HIVEP3: variants seen among roughly 807,000 people sequenced by gnomAD.
HIVEP3 encodes HIVEP zinc finger 3.
A neutral mutation model predicts 152.8 loss-of-function variants in HIVEP3; 49 were observed. The ratio of observed to expected loss-of-function variants is 0.32; its 90% CI spans 0.26 to 0.41. The LOEUF (loss-of-function observed/expected upper bound fraction) is 0.41, where lower values mean the gene tolerates loss of function less well. Ranked by LOEUF, HIVEP3 falls within the 10% of genes least tolerant of loss-of-function variation. The pLI is 1.00. For missense variants in HIVEP3, 2,790 were observed against 3,103.3 expected (o/e 0.90, Z 2.40); for synonymous variants, 1,269 against 1,289.0 (o/e 0.98, Z 0.33).
chr1:41,809,945 C>T (rs1650853687), intron 1 of HIVEP3, among the ~76,000 whole-genome samples: 1 of 152,136 alleles, frequency 6.6e-6, no homozygotes, highest in African/African-American at 2.4e-5. Context: ...GAGAAATATC[C>T]AAACGACATG....
chr1:41,742,369 C>T (rs915364228), intron 1 of HIVEP3, among the ~76,000 whole-genome samples: 1 of 152,204 alleles, frequency 6.6e-6, no homozygotes, highest in Non-Finnish European at 1.5e-5. Flanking sequence ...CAACAGCTTC[C>T]GCATACTCTG....
intron 2 of HIVEP3, among the ~76,000 whole-genome samples, chr1:41,658,640 G>A (rs111492277): frequency 0.028 from 4,218 of 152,306 alleles, 80 homozygotes; most frequent in Middle Eastern, 0.054. Context: ...AGGAAGCAGG[G>A]GCTCAAGGGG....
intron 4 of HIVEP3, 74 bp downstream of exon 4, chr1:41,579,663 G>A: frequency 4.0e-6 from 6 of 1,496,518 alleles, no homozygotes; most frequent in Non-Finnish European, 5.4e-6. Context: ...GGAACCTGAG[G>A]ATACTGTGGC....
chr1:41,520,330 A>G (rs1642728400), intron 6 of HIVEP3, among the ~76,000 whole-genome samples: 1 of 152,030 alleles, frequency 6.6e-6, no homozygotes, highest in South Asian at 2.1e-4. Context: ...TATCCTTCCC[A>G]ATTTGGGTTT....
intron 1 of HIVEP3, among the ~76,000 whole-genome samples, chr1:41,749,594 A>T (rs1356236305): frequency 6.6e-6 from 1 of 152,240 alleles, no homozygotes; most frequent in African/African-American, 2.4e-5. Context: ...GTCATTACAT[A>T]GATCAGCCGT....
intron 1 of HIVEP3, among the ~76,000 whole-genome samples, chr1:41,983,546 T>C (rs182529997): frequency 4.1e-4 from 62 of 152,252 alleles, no homozygotes; most frequent in African/African-American, 1.4e-3. Context: ...ATTAACTGTC[T>C]GTCTTAGCAG....
chr1:41,636,588 A>G (rs898406684), intron 2 of HIVEP3, among the ~76,000 whole-genome samples: 1 of 152,234 alleles, frequency 6.6e-6, no homozygotes, highest in Non-Finnish European at 1.5e-5. Context: ...TATCCATAAT[A>G]TGTAATAAGC....
chr1:41,756,662 T>A (rs1035839698), intron 1 of HIVEP3, among the ~76,000 whole-genome samples: 1 of 152,222 alleles, frequency 6.6e-6, no homozygotes. Context: ...GAAATGATGA[T>A]GTAGTTCTAC....
In HIVEP3 at chr1:41,580,028, C is replaced by G. The variant is rs1553230894; in HGVS notation, c.4770G>C (p.Lys1590Asn). The change falls in exon 4 of 9, where the codon AAG becomes AAC. Residue 1590 changes from lysine to asparagine, a missense_variant. Physicochemically the swap from Lys to Asn is moderately conservative, Grantham distance 94. Coordinates refer to ENST00000372583, the MANE Select transcript of HIVEP3 (RefSeq NM_024503.5). ...GGAGGCTGGGGAACTGCAGTACCTT[C>G]TTTGAGTCCGTACCTTCTTGTGACT... ...PAKSQEGTDS[K>N]KVLQFPSLHT... The G allele has an allele frequency of 6.2e-7, 1 of 1,614,234 alleles. No individual in the cohort carries two copies. Among genetic ancestry groups the G allele is most frequent in the Non-Finnish European group, 8.5e-7 (1 of 1,180,050 alleles).
At chr1:41,598,825 A>ATTTATTTATTTATTTATTTATTTAT (rs759358685) in intron 3 of HIVEP3, among the ~76,000 whole-genome samples, 1,996 of 151,426 alleles carry the variant, frequency 0.013, 25 homozygotes, top group East Asian at 0.06. Flanking sequence ...TTATTTATTT[A>ATTTATTTATTTATTTATTTATTTAT]TTTATTTAGG....
chr1:41,701,611 C>A (rs951119904), intron 1 of HIVEP3, among the ~76,000 whole-genome samples: 1 of 152,162 alleles, frequency 6.6e-6, no homozygotes, highest in Non-Finnish European at 1.5e-5. Flanking sequence ...CTACCATTTT[C>A]GGTACAAGGA....
At chr1:41,556,011 G>A (rs1190533848) in intron 5 of HIVEP3, among the ~76,000 whole-genome samples, 2 of 152,266 alleles carry the variant, frequency 1.3e-5, no homozygotes, top group African/African-American at 2.4e-5. Flanking sequence ...TGACTAGAAC[G>A]TATTTTGTTT....
At chr1:41,638,327 A>G (rs1558137201) in intron 2 of HIVEP3, among the ~76,000 whole-genome samples, 55 of 41,418 alleles carry the variant, frequency 1.3e-3, no homozygotes, top group Non-Finnish European at 2.5e-3. Flanking sequence ...GGAAAGAAAG[A>G]AAGAAAGGGA....
At chr1:41,716,954 C>A (rs12561792) in intron 1 of HIVEP3, among the ~76,000 whole-genome samples, 3,405 of 152,330 alleles carry the variant, frequency 0.022, 181 homozygotes, top group East Asian at 0.21. Flanking sequence ...GCTGCACGCA[C>A]GTTGTGGAAG....
intron 1 of HIVEP3, among the ~76,000 whole-genome samples, chr1:41,804,233 G>A (rs1328825592): frequency 3.3e-5 from 5 of 152,154 alleles, no homozygotes; most frequent in Non-Finnish European, 7.4e-5. Flanking sequence ...TCCCTCCCCA[G>A]TGGTCCCACA....
At chr1:41,751,574 G>A (rs1279911104) in intron 1 of HIVEP3, among the ~76,000 whole-genome samples, 1 of 152,016 alleles carries the variant, frequency 6.6e-6, no homozygotes, top group African/African-American at 2.4e-5. Flanking sequence ...CATCACATGA[G>A]GCCCCACCTG....
At chr1:41,870,450 T>C (rs574669135) in intron 1 of HIVEP3, among the ~76,000 whole-genome samples, 2 of 152,334 alleles carry the variant, frequency 1.3e-5, no homozygotes, top group South Asian at 4.1e-4. Flanking sequence ...GGACAGAGAT[T>C]GTATCTGATT....
intron 4 of HIVEP3, among the ~76,000 whole-genome samples, chr1:41,576,777 GT>G (rs970468739): frequency 2.4e-4 from 37 of 152,290 alleles, no homozygotes; most frequent in African/African-American, 8.9e-4. Context: ...CTGGGCTGCC[GT>G]TTGGTGGATG....
intron 1 of HIVEP3, among the ~76,000 whole-genome samples, chr1:41,801,431 G>A (rs1304177567): frequency 6.6e-6 from 1 of 152,170 alleles, no homozygotes; most frequent in Non-Finnish European, 1.5e-5. Context: ...CTAATCATTT[G>A]AGAAGAGCTA....
Sources: allele counts gnomAD v4.1 joint callset (sites outside exome capture counted in the v4.1 genomes callset), GRCh38; gene constraint gnomAD v4.1.1; transcripts MANE v1.5; gene names NCBI Gene and HGNC (gene_info 2026-07-23, HGNC 2026-07-21).